The following PDE4B variants were observed in gnomAD, a reference collection of about 807,000 sequenced individuals.
PDE4B encodes the protein phosphodiesterase 4B.
A neutral mutation model predicts 82.2 loss-of-function variants in PDE4B; 20 were observed. The observed-to-expected ratio is 0.24, with a 90% CI of 0.17 to 0.35. The LOEUF is 0.35. Among genes scored for constraint, PDE4B ranks in the 10% least tolerant of loss-of-function variants. The probability of loss-of-function intolerance (pLI) is 1.00; values close to 1 mark genes in which losing one functional copy is unlikely to be tolerated. For missense variants in PDE4B, 655 were observed against 907.2 expected (o/e 0.72, Z 3.57); for synonymous variants, 320 against 318.9 (o/e 1.00, Z -0.04).
intron 3 of PDE4B, among the ~76,000 whole-genome samples, chr1:66,124,335 T>G (rs900141664): frequency 2.0e-5 from 3 of 152,214 alleles, no homozygotes; most frequent in Admixed American, 2.0e-4. Flanking sequence ...AATTTTACAC[T>G]GATGCAAATT....
chr1:65,878,981 G>A (rs1040205780), intron 1 of PDE4B, among the ~76,000 whole-genome samples: 7 of 152,074 alleles, frequency 4.6e-5, no homozygotes, highest in African/African-American at 1.4e-4. Context: ...TGATGTGCCA[G>A]GTATTATCTA....
intron 3 of PDE4B, among the ~76,000 whole-genome samples, chr1:65,947,304 G>C (rs941339866): frequency 9.9e-5 from 15 of 151,986 alleles, no homozygotes; most frequent in Non-Finnish European, 5.9e-5. Flanking sequence ...GTTCAGTGGC[G>C]ACATACTTTT....
chr1:66,012,993 A>G (rs1315734231), intron 3 of PDE4B, among the ~76,000 whole-genome samples: 3 of 152,080 alleles, frequency 2.0e-5, no homozygotes, highest in African/African-American at 7.2e-5. Flanking sequence ...CATAAGGCAA[A>G]AAGACCACAG....
intron 3 of PDE4B, among the ~76,000 whole-genome samples, chr1:66,193,680 A>G (rs77758060): frequency 3.3e-5 from 5 of 152,184 alleles, no homozygotes; most frequent in African/African-American, 1.2e-4. Context: ...ATTTAGAAAC[A>G]TTGGTCAAGG....
At chr1:66,341,960 C>T (rs1343851792) in intron 8 of PDE4B, among the ~76,000 whole-genome samples, 1 of 152,210 alleles carries the variant, frequency 6.6e-6, no homozygotes, top group Non-Finnish European at 1.5e-5. Flanking sequence ...GTGTTGGCAG[C>T]TGCCTTGTAA....
At chr1:65,919,121 A>G (rs995843747) in intron 3 of PDE4B, among the ~76,000 whole-genome samples, 1 of 152,208 alleles carries the variant, frequency 6.6e-6, no homozygotes, top group Non-Finnish European at 1.5e-5. Flanking sequence ...TTATGATCTA[A>G]CTTTTTTAAA....
At chr1:66,087,303 T>A (rs973902752) in intron 3 of PDE4B, among the ~76,000 whole-genome samples, 2 of 152,108 alleles carry the variant, frequency 1.3e-5, no homozygotes, top group African/African-American at 4.8e-5. Context: ...CAGTTAAGAG[T>A]TTACGGCAAT....
intron 1 of PDE4B, among the ~76,000 whole-genome samples, chr1:65,901,585 A>ATATT (rs1557807138): frequency 6.6e-6 from 1 of 151,964 alleles, no homozygotes; most frequent in African/African-American, 2.4e-5. Context: ...TCAAAACTTG[A>ATATT]TATTGGTCTA....
chr1:66,269,388 T>C (rs1557669801), intron 7 of PDE4B, among the ~76,000 whole-genome samples: 1 of 152,172 alleles, frequency 6.6e-6, no homozygotes, highest in African/African-American at 2.4e-5. Context: ...TAAATCCTCC[T>C]AGGGGTGTCG....
At chr1:66,341,431 C>A (rs921008483) in intron 8 of PDE4B, among the ~76,000 whole-genome samples, 2 of 152,178 alleles carry the variant, frequency 1.3e-5, no homozygotes, top group South Asian at 4.1e-4. Flanking sequence ...AAAAGGTATA[C>A]ATAAGTGTCT....
intron 3 of PDE4B, among the ~76,000 whole-genome samples, chr1:66,003,098 T>C (rs1158350714): frequency 2.0e-5 from 3 of 152,120 alleles, no homozygotes; most frequent in Non-Finnish European, 4.4e-5. Flanking sequence ...TCAGTATGTA[T>C]GGACTGTGCC....
intron 3 of PDE4B, among the ~76,000 whole-genome samples, chr1:66,237,574 G>A (rs967268300): frequency 2.0e-5 from 3 of 152,128 alleles, no homozygotes; most frequent in African/African-American, 7.2e-5. Flanking sequence ...CTGAAAACCA[G>A]TCTCATTTTC....
At chr1:66,180,369 A>T (rs1287107828) in intron 3 of PDE4B, among the ~76,000 whole-genome samples, 1 of 152,234 alleles carries the variant, frequency 6.6e-6, no homozygotes, top group Non-Finnish European at 1.5e-5. Context: ...TACGTATCAT[A>T]TAGGGTTTGT....
At chr1:66,033,428 A>G (rs1653899524) in intron 3 of PDE4B, among the ~76,000 whole-genome samples, 1 of 152,172 alleles carries the variant, frequency 6.6e-6, no homozygotes, top group Admixed American at 6.5e-5. Context: ...TCATCCTGCC[A>G]TATTGGCACT....
intron 3 of PDE4B, among the ~76,000 whole-genome samples, chr1:66,040,916 C>T (rs573827614): frequency 1.3e-5 from 2 of 152,006 alleles, no homozygotes; most frequent in East Asian, 1.9e-4. Context: ...GTATCTTGCT[C>T]ATTTGATAAT....
intron 3 of PDE4B, among the ~76,000 whole-genome samples, chr1:66,157,863 G>A (rs970840569): frequency 6.6e-6 from 1 of 151,390 alleles, no homozygotes; most frequent in Non-Finnish European, 1.5e-5. Context: ...TTTTTTTCAT[G>A]ATCAAAGCCC....
At chr1:66,367,174 GA>G (rs1557733353) in intron 13 of PDE4B, among the ~76,000 whole-genome samples, 1 of 152,100 alleles carries the variant, frequency 6.6e-6, no homozygotes, top group Non-Finnish European at 1.5e-5. Context: ...CATATTAATA[GA>G]AAGCTCTAAA....
At chr1:66,116,347 CT>C (rs1645593388) in intron 3 of PDE4B, among the ~76,000 whole-genome samples, 1 of 152,106 alleles carries the variant, frequency 6.6e-6, no homozygotes, top group Non-Finnish European at 1.5e-5. Flanking sequence ...GTAGTCCTAG[CT>C]TTAGCATAAT....
chr1:65,879,749 A>G (rs1481512368), intron 1 of PDE4B, among the ~76,000 whole-genome samples: 1 of 152,224 alleles, frequency 6.6e-6, no homozygotes, highest in African/African-American at 2.4e-5. Context: ...AAGTGGAAAG[A>G]TAATTGTTCA....
Sources: allele counts gnomAD v4.1 joint callset (sites outside exome capture counted in the v4.1 genomes callset), GRCh38; gene constraint gnomAD v4.1.1; transcripts MANE v1.5; gene names NCBI Gene and HGNC (gene_info 2026-07-23, HGNC 2026-07-21).